The following XXYLT1 variants were observed in gnomAD, a reference collection of about 807,000 sequenced individuals.
XXYLT1 encodes UDP-xylose:alpha-xyloside alpha-1,3-xylosyltransferase.
XXYLT1 carries 20 observed loss-of-function variants against 28.9 expected under a neutral mutation model. The ratio of observed to expected loss-of-function variants is 0.69; its 90% CI spans 0.49 to 1.00. The LOEUF (loss-of-function observed/expected upper bound fraction) is 1.00, where lower values mean the gene tolerates loss of function less well. XXYLT1 is among the 50% of genes least tolerant of loss of function. The pLI is 0.00. For missense variants in XXYLT1, 542 were observed against 560.1 expected, an observed-to-expected ratio of 0.97 and a Z score of 0.33; for synonymous variants, 257 against 253.8, an observed-to-expected ratio of 1.01 and a Z score of -0.12.
chr3:195,088,563 AC>A (rs1368958893), intron 3 of XXYLT1, among the ~76,000 whole-genome samples: 1 of 120,814 alleles, frequency 8.3e-6, no homozygotes, highest in Non-Finnish European at 1.8e-5. Context: ...AGATAAAACC[AC>A]AAAGATGGGG....
chr3:195,094,555 C>G (rs1257876824), intron 3 of XXYLT1: 1 of 153,980 alleles, frequency 6.5e-6, no homozygotes, highest in Non-Finnish European at 1.5e-5. Flanking sequence ...AAGCCAAGAT[C>G]TAAGCGCTTC....
At chr3:195,086,186 G>A (rs1052649295) in intron 3 of XXYLT1, among the ~76,000 whole-genome samples, 1 of 152,146 alleles carries the variant, frequency 6.6e-6, no homozygotes, top group Non-Finnish European at 1.5e-5. Context: ...GCACTCTACA[G>A]CACTGTCCTT....
intron 2 of XXYLT1, among the ~76,000 whole-genome samples, chr3:195,226,385 T>C (rs1724052329): frequency 6.6e-6 from 1 of 152,048 alleles, no homozygotes; most frequent in Non-Finnish European, 1.5e-5. Flanking sequence ...CAACCCACCA[T>C]TTTTCAGATG....
rs565274676 is a variant in XXYLT1, at chr3:195,129,938, C to T, written c.785+26511G>A. Among the ~76,000 whole-genome samples, 5 of 152,276 alleles carry T rather than the reference C, an allele frequency of 3.3e-5. No individual in the cohort carries two copies. Among genetic ancestry groups the T allele is most frequent in the Non-Finnish European group, 2.9e-5 (2 of 68,018 alleles). ...TTCATATTCCCACCACCAGTGAGTG[C>T]GGGTTCCCATGCCTCCAACTCCTCA... On this transcript the variant is annotated intron_variant, in intron 3 of 3. Coordinates refer to ENST00000310380, the MANE Select transcript of XXYLT1 (RefSeq NM_152531.5). This position sits in a 1 kb window ranked among gnomAD's most constrained non-coding sequence, Gnocchi z 4.4.
chr3:195,101,971 G>A (rs2108677884), intron 3 of XXYLT1, among the ~76,000 whole-genome samples: 1 of 12,872 alleles, frequency 7.8e-5, no homozygotes. Context: ...GAGGGGACGG[G>A]GGAGGGAGGG....
In XXYLT1 at chr3:195,133,210, G is replaced by A. The variant is rs527365175; in HGVS notation, c.785+23239C>T. ...AGACGGCTGAAGCCCCAGGTGCCCC[G>A]CCTGCTGAGCAGACAGATGGCTGCA... On this transcript the variant is annotated intron_variant, in intron 3 of 3. Coordinates refer to ENST00000310380, the MANE Select transcript of XXYLT1 (RefSeq NM_152531.5). This position sits in a 1 kb window ranked among gnomAD's most constrained non-coding sequence, Gnocchi z 4.4. Among the ~76,000 whole-genome samples the A allele has an allele frequency of 1.4e-4, 21 of 152,272 alleles. No homozygotes were observed. Among genetic ancestry groups the A allele is most frequent in the East Asian group, 9.7e-4 (5 of 5,180 alleles).
rs369594438 is a variant in XXYLT1 at position 195,211,842 on chromosome 3, A to G, written c.652+14867T>C. Among the ~76,000 whole-genome samples, 1,420 of 147,408 alleles carry G rather than the reference A, an allele frequency of 9.6e-3. 15 individuals are homozygous for G. Among genetic ancestry groups the G allele is most frequent in the South Asian group, 0.032 (145 of 4,578 alleles). On this transcript the variant is annotated intron_variant, in intron 2 of 3. Transcript: ENST00000310380. The stretch of plus-strand genomic sequence containing the variant: ...TGCCACCGGGAAGATCTGGAGGAGG[A>G]GAGGGGGCAAGCCACGGAATGCCAC...
At chr3:195,089,895 G>C (rs1430081100) in intron 3 of XXYLT1, among the ~76,000 whole-genome samples, 2 of 152,182 alleles carry the variant, frequency 1.3e-5, no homozygotes, top group Admixed American at 6.5e-5. Flanking sequence ...TGATGAAACA[G>C]ACTTTAAAGC....
intron 1 of XXYLT1, among the ~76,000 whole-genome samples, chr3:195,238,645 G>T (rs2108819941): frequency 6.6e-6 from 1 of 152,282 alleles, no homozygotes; most frequent in East Asian, 1.9e-4. Flanking sequence ...TGTGGTGTCT[G>T]TCAGGGCCAT....
Position 195,124,259 on chromosome 3 carries a change from A to G in XXYLT1, c.785+32190T>C, listed in dbSNP as rs1718506603. On this transcript the variant is annotated intron_variant, in intron 3 of 3. Transcript: ENST00000310380. This position sits in a 1 kb window ranked among gnomAD's most constrained non-coding sequence, Gnocchi z 4.1. ...CCAGATCTCAGGTAGAGTCCCTCAT[A>G]CTAAACGGCAATGTTCTAGGTGCTT... 6.6e-6 allele frequency among the ~76,000 whole-genome samples: 1 copy of G among 152,216 alleles called. No individual in the cohort carries two copies. Among genetic ancestry groups the G allele is most frequent in the African/African-American group, 2.4e-5 (1 of 41,452 alleles).
At chr3:195,202,953 G>A (rs1722921288) in intron 2 of XXYLT1, among the ~76,000 whole-genome samples, 2 of 152,018 alleles carry the variant, frequency 1.3e-5, no homozygotes, top group South Asian at 4.2e-4. Context: ...AAAGTCACAA[G>A]ATAGACCTGA....
intron 3 of XXYLT1, among the ~76,000 whole-genome samples, chr3:195,119,316 T>C (rs566897492): frequency 4.1e-4 from 60 of 146,198 alleles, no homozygotes; most frequent in African/African-American, 1.5e-3. Context: ...GGAAATAACA[T>C]ATATAGTGAA....
chr3:195,157,516 A>G (rs1720666369), intron 2 of XXYLT1, among the ~76,000 whole-genome samples: 1 of 152,160 alleles, frequency 6.6e-6, no homozygotes, highest in African/African-American at 2.4e-5. Flanking sequence ...GGCACCTAAG[A>G]GCTGCTTCCA....
chr3:195,142,293 C>T (rs1195625404), intron 3 of XXYLT1, among the ~76,000 whole-genome samples: 3 of 152,208 alleles, frequency 2.0e-5, no homozygotes, highest in Non-Finnish European at 4.4e-5. Flanking sequence ...AACTATTTCT[C>T]ATGATGTTTA....
intron 2 of XXYLT1, among the ~76,000 whole-genome samples, chr3:195,177,669 T>C (rs1391899046): frequency 6.6e-6 from 1 of 152,054 alleles, no homozygotes; most frequent in Non-Finnish European, 1.5e-5. Context: ...CTCACAGTGA[T>C]AATTCCAGCA....
chr3:195,136,869 A>G (rs868509505), intron 3 of XXYLT1, among the ~76,000 whole-genome samples: 1 of 152,212 alleles, frequency 6.6e-6, no homozygotes, highest in African/African-American at 2.4e-5. Context: ...TAAATAACTT[A>G]TTCTTTGTTT....
intron 1 of XXYLT1, among the ~76,000 whole-genome samples, chr3:195,242,953 G>A (rs914899233): frequency 6.6e-5 from 10 of 152,082 alleles, no homozygotes; most frequent in Non-Finnish European, 1.0e-4. Context: ...GAGATGGTTC[G>A]GCAACCCAAA....
chr3:195,270,990 GT>G lies in XXYLT1; in HGVS notation c.68del (p.His23ProfsTer33). 6.7e-7 allele frequency: 1 copy of G among 1,482,264 alleles called. No homozygotes were observed. The allele number at this position is 1,482,264 out of a possible 1,614,324, so 91.8% of individuals were successfully genotyped here. On this transcript the variant is annotated frameshift_variant, in exon 1 of 4. Coordinates refer to ENST00000310380, the MANE Select transcript of XXYLT1 (RefSeq NM_152531.5). LOFTEE classifies it high-confidence loss of function. ...AMARLGAVRS[H>X]YCALLLAAAL... ...CCGCGGCCAGCAGCAGGGCGCAGTA[GT>G]GGGAGCGCACAGCGCCCAGGCGCGC...
intron 2 of XXYLT1, chr3:195,184,866 T>C (rs1211588305): frequency 1.0e-6 from 1 of 963,304 alleles, no homozygotes; most frequent in Non-Finnish European, 1.2e-6. Context: ...TAAAATGGTC[T>C]ACATTCAAAT....
Sources: gnomAD v4.1 joint callset for allele counts (sites outside exome capture counted in the v4.1 genomes callset) on GRCh38, gnomAD v4.1.1 for gene constraint, Gnocchi (gnomAD v3.1) non-coding constraint, MANE v1.5 for transcripts, NCBI Gene and HGNC (gene_info 2026-07-23, HGNC 2026-07-21) for gene names.